SLFN12L: variants seen among roughly 807,000 people sequenced by gnomAD.
The protein encoded by SLFN12L is schlafen family member 12 like, also known as schlafen family member 12-like.
Under a neutral mutation model 34.8 loss-of-function variants are expected in SLFN12L, and 34 were observed. The observed-to-expected ratio is 0.98, with a 90% CI of 0.74 to 1.30. The LOEUF (loss-of-function observed/expected upper bound fraction) is 1.30, where lower values mean the gene tolerates loss of function less well. SLFN12L is among the 50% of genes most tolerant of loss of function. SLFN12L has a pLI of 0.00. For synonymous variants in SLFN12L, 259 were observed against 247.5 expected, an observed-to-expected ratio of 1.05 and a Z score of -0.44; for missense variants, 703 against 696.2, an observed-to-expected ratio of 1.01 and a Z score of -0.11.
At chr17:35,483,402 G>A (rs1436506625) in intron 2 of SLFN12L, among the ~76,000 whole-genome samples, 1 of 152,186 alleles carries the variant, frequency 6.6e-6, no homozygotes, top group Non-Finnish European at 1.5e-5. Context: ...TTTCTGGCCA[G>A]AAAATCAACA....
intron 2 of SLFN12L, among the ~76,000 whole-genome samples, chr17:35,513,704 T>G (rs887093788): frequency 3.3e-5 from 5 of 152,234 alleles, no homozygotes; most frequent in African/African-American, 1.2e-4. Context: ...CTTTCATTGT[T>G]TAACAGGATA....
chr17:35,521,226 G>A (rs764757937), intron 2 of SLFN12L, among the ~76,000 whole-genome samples: 22 of 152,060 alleles, frequency 1.4e-4, no homozygotes, highest in Non-Finnish European at 2.2e-4. Context: ...ATGTCATATG[G>A]CATCCTGGAT....
At chr17:35,511,824 A>G (rs1161789857) in intron 2 of SLFN12L, among the ~76,000 whole-genome samples, 5 of 152,234 alleles carry the variant, frequency 3.3e-5, no homozygotes, top group Admixed American at 3.3e-4. Flanking sequence ...TATGTTTTAC[A>G]TGTGCTTTCA....
At chr17:35,520,843 A>G (rs201408899) in intron 2 of SLFN12L, among the ~76,000 whole-genome samples, 2 of 152,146 alleles carry the variant, frequency 1.3e-5, no homozygotes, top group East Asian at 3.9e-4. Flanking sequence ...CCCTCTCAGG[A>G]GTATTCATAT....
chr17:35,496,891 A>T (rs893089128), intron 2 of SLFN12L, among the ~76,000 whole-genome samples: 1 of 152,168 alleles, frequency 6.6e-6, no homozygotes, highest in Non-Finnish European at 1.5e-5. Context: ...GAGAAATAGG[A>T]TGGCTGAAAA....
At chr17:35,497,416 T>A (rs151256789) in intron 2 of SLFN12L, among the ~76,000 whole-genome samples, 219 of 151,662 alleles carry the variant, frequency 1.4e-3, no homozygotes, top group Non-Finnish European at 2.3e-3. Context: ...ATAAAATAAA[T>A]ATAAAAATAA....
At position 35,466,784 on chromosome 17, in the gene SLFN12L, C is replaced by T. The variant is rs1320646228; in HGVS notation, c.*8139G>A. Among the ~76,000 whole-genome samples, 1 of 152,184 alleles carries T rather than the reference C, an allele frequency of 6.6e-6. No individual in the cohort carries two copies. The highest frequency in any genetic ancestry group is 2.4e-5 in the African/African-American group (1 of 41,442). ...ACTTTAACAAGCTCTACTCATGCCT[C>T]CTAAAGTCTAGACCACCTGTGATGG... On this transcript the variant is annotated 3_prime_UTR_variant, in exon 5 of 5. Transcript: ENST00000628453.
At chr17:35,498,043 A>T (rs893382393) in intron 2 of SLFN12L, among the ~76,000 whole-genome samples, 1 of 152,170 alleles carries the variant, frequency 6.6e-6, no homozygotes, top group African/African-American at 2.4e-5. Context: ...ATTAAAATAA[A>T]GAGTCACAGA....
intron 2 of SLFN12L, among the ~76,000 whole-genome samples, chr17:35,481,938 G>T (rs1914356767): frequency 6.6e-6 from 1 of 152,192 alleles, no homozygotes; most frequent in Middle Eastern, 3.2e-3. Flanking sequence ...TCAGGTCACT[G>T]CAACCTCCAC....
rs1423259588 is a variant in SLFN12L, at chr17:35,479,438, C to A, written c.844G>T (p.Gly282Cys). Residue 282 changes from glycine to cysteine, a missense_variant, in exon 3 of 5, where the codon GGT (glycine) becomes TGT (cysteine). Transcript: ENST00000628453. ...ATTACTTCTTTATCTTCATTTAGAC[C>A]AACGAATAAATATCCTCCATCAGTA... ...ANTDGGYLFV[G>C]LNEDKEVIGF... The A allele has an allele frequency of 6.2e-7, 1 of 1,614,056 alleles. No individual in the cohort carries two copies.
chr17:35,478,072 T>G lies in SLFN12L; in HGVS notation c.1276+3A>C. 6.6e-7 allele frequency: 1 copy of G among 1,518,126 alleles called. No individual in the cohort carries two copies. Among genetic ancestry groups the G allele is most frequent in the Non-Finnish European group, 8.9e-7 (1 of 1,118,736 alleles). 94.0% of individuals were successfully genotyped at this position (1,518,126 alleles called of 1,614,324 possible). On this transcript the variant is annotated splice_donor_region_variant and intron_variant, in intron 4 of 4. Transcript: ENST00000628453. ...AACTCCACGGAAGCCAGAATTAAAT[T>G]ACCTGGAAGGTGATATCTCAGTGGC...
At chr17:35,536,583 G>C (rs1030301808) in intron 1 of SLFN12L, among the ~76,000 whole-genome samples, 4 of 152,118 alleles carry the variant, frequency 2.6e-5, no homozygotes, top group African/African-American at 9.7e-5. Context: ...AGGCTAAGGT[G>C]GGCAGATTGC....
rs1255758769 is a variant in SLFN12L at position 35,470,071 on chromosome 17, T to C, written c.*4852A>G. The stretch of plus-strand genomic sequence containing the variant: ...GTCTTTTTTCAATGGCGCTAGTCCA[T>C]CTGTGTTGACACTCAGTCACCTCCA... On this transcript the variant is annotated 3_prime_UTR_variant, in exon 5 of 5. Coordinates refer to ENST00000628453, the MANE Select transcript of SLFN12L (RefSeq NM_001363830.2). 1 of 152,264 alleles carries C rather than the reference T, an allele frequency of 6.6e-6. No homozygotes were observed. Among genetic ancestry groups the C allele is most frequent in the Non-Finnish European group, 1.5e-5 (1 of 68,062 alleles). 9.4% of individuals were successfully genotyped at this position (152,264 alleles called of 1,614,324 possible). A position where few individuals can be genotyped will look rare whatever the true frequency, so the allele number is the denominator to read the frequency against.
chr17:35,477,984 C>A, intron 4 of SLFN12L, 91 bp downstream of exon 4: 1 of 756,050 alleles, frequency 1.3e-6, no homozygotes, highest in South Asian at 1.9e-5. Context: ...AATGTGCTTC[C>A]ATAACAAATA....
rs1913771470 is a variant in SLFN12L, at chr17:35,469,439, T to C, written c.*5484A>G. 6.6e-6 allele frequency among the ~76,000 whole-genome samples: 1 copy of C among 150,880 alleles called. No individual in the cohort carries two copies. Among genetic ancestry groups the C allele is most frequent in the African/African-American group, 2.4e-5 (1 of 41,012 alleles). On this transcript the variant is annotated 3_prime_UTR_variant, in exon 5 of 5. Coordinates refer to ENST00000628453, the MANE Select transcript of SLFN12L (RefSeq NM_001363830.2). ...ATTTCAGATCTACTTTCTTGACTAA[T>C]GACATGCAAATGAAGAACTTAGTTA...
chr17:35,502,695 G>A (rs1915341046), intron 2 of SLFN12L, among the ~76,000 whole-genome samples: 1 of 151,996 alleles, frequency 6.6e-6, no homozygotes, highest in African/African-American at 2.4e-5. Context: ...AACTTACAAG[G>A]TTTTCAACAA....
intron 3 of SLFN12L, among the ~76,000 whole-genome samples, chr17:35,478,651 T>C (rs1228597312): frequency 6.6e-6 from 1 of 152,206 alleles, no homozygotes. Flanking sequence ...TCTTCTCTTA[T>C]TGGTACAATT....
chr17:35,503,401 TA>T (rs1915366488), intron 2 of SLFN12L, among the ~76,000 whole-genome samples: 1 of 152,198 alleles, frequency 6.6e-6, no homozygotes, highest in Admixed American at 6.5e-5. Context: ...AAATCTTACC[TA>T]ATGGTCCGAC....
chr17:35,530,404 A>AG (rs1314504594), intron 1 of SLFN12L, among the ~76,000 whole-genome samples: 2 of 10,032 alleles, frequency 2.0e-4, no homozygotes, highest in African/African-American at 6.6e-4. Context: ...GAAGGAAGGA[A>AG]GGAAGGAAGG....
Sources: allele counts gnomAD v4.1 joint callset (sites outside exome capture counted in the v4.1 genomes callset), GRCh38; gene constraint gnomAD v4.1.1; transcripts MANE v1.5; gene names NCBI Gene and HGNC (gene_info 2026-07-23, HGNC 2026-07-21).